The following SAMHD1 variants were observed in gnomAD, a reference collection of about 807,000 sequenced individuals.
The protein encoded by SAMHD1 is deoxynucleoside triphosphate triphosphohydrolase SAMHD1.
A neutral mutation model predicts 79.6 loss-of-function variants in SAMHD1; 54 were observed. The ratio of observed to expected loss-of-function variants is 0.68; its 90% CI spans 0.55 to 0.85. The LOEUF (loss-of-function observed/expected upper bound fraction) is 0.85, where lower values mean the gene tolerates loss of function less well. SAMHD1 is among the 40% of genes least tolerant of loss of function. The probability of loss-of-function intolerance (pLI) is 0.00; values close to 1 mark genes in which losing one functional copy is unlikely to be tolerated. For synonymous variants in SAMHD1, 260 were observed against 264.1 expected (o/e 0.98, Z 0.15); for missense variants, 663 against 782.7 (o/e 0.85, Z 1.82).
chr20:36,916,764 G>A lies in SAMHD1; in HGVS notation c.1020C>T (p.Val340=), dbSNP rs762813591. 1.2e-6 allele frequency: 2 copies of A among 1,613,956 alleles called. No homozygotes were observed. The highest frequency in any genetic ancestry group is 2.2e-5 in the South Asian group (2 of 91,072). Residue 340 remains valine, a synonymous_variant, in exon 9 of 16, where the codon GTC becomes GTT. Transcript: ENST00000646673. ...DYKRFIKFAR[V]CEVDNELRIC... ...TACGCAACTCATTGTCTACTTCACA[G>A]ACACGGGCAAACTTAATAAAGCGCT...
At chr20:36,936,911 C>T (rs1178961922) in intron 3 of SAMHD1, among the ~76,000 whole-genome samples, 1 of 151,922 alleles carries the variant, frequency 6.6e-6, no homozygotes, top group East Asian at 1.9e-4. Flanking sequence ...GAGGCCAAGG[C>T]GGGTGGATCA....
At chr20:36,942,583 A>C (rs2063653328) in intron 2 of SAMHD1, among the ~76,000 whole-genome samples, 1 of 152,184 alleles carries the variant, frequency 6.6e-6, no homozygotes, top group African/African-American at 2.4e-5. Context: ...CTGTGTTCCA[A>C]CATTTCTGAA....
chr20:36,909,753 G>T (rs887563394), intron 11 of SAMHD1, among the ~76,000 whole-genome samples: 3 of 150,382 alleles, frequency 2.0e-5, no homozygotes, highest in Non-Finnish European at 4.4e-5. Context: ...ACACTAAGCT[G>T]CAGATTTTGT....
intron 11 of SAMHD1, among the ~76,000 whole-genome samples, chr20:36,907,539 CTTTTTT>C (rs71186087): frequency 4.0e-5 from 5 of 125,856 alleles, no homozygotes; most frequent in African/African-American, 6.0e-5. Flanking sequence ...ATAAAGATGA[CTTTTTT>C]TTTTTTTTTT....
At chr20:36,900,596 GTT>G (rs1990285800) in intron 13 of SAMHD1, among the ~76,000 whole-genome samples, 1 of 143,540 alleles carries the variant, frequency 7.0e-6, no homozygotes, top group Non-Finnish European at 1.5e-5. Context: ...TTGATATGGA[GTT>G]TCTGTGTCGC....
At position 36,919,433 on chromosome 20, in the gene SAMHD1, A is replaced by G. The variant is rs1477631981; in HGVS notation, c.783T>C (p.Pro261=). ...KPVMEQYGLI[P]EEDICFIKEQ... ...CCTTTATAAAGCAAATATCTTCTTCAGGGATGAGACCATATTGTTCCATGA... is the reference window on the plus strand; with the variant it reads ...CCTTTATAAAGCAAATATCTTCTTCGGGGATGAGACCATATTGTTCCATGA... The change falls in exon 7 of 16, where the codon CCT becomes CCC. Residue 261 remains proline, a synonymous_variant. Transcript: ENST00000646673. 1 of 1,613,022 alleles carries G rather than the reference A, an allele frequency of 6.2e-7. No homozygotes were observed. Among genetic ancestry groups the G allele is most frequent in the East Asian group, 2.2e-5 (1 of 44,800 alleles).
intron 2 of SAMHD1, among the ~76,000 whole-genome samples, chr20:36,943,432 T>C (rs149853537): frequency 2.0e-4 from 30 of 152,328 alleles, no homozygotes; most frequent in African/African-American, 7.2e-4. Flanking sequence ...GTTGTTATTA[T>C]ACAGAACAAT....
chr20:36,892,265 A>C lies in SAMHD1; in HGVS notation c.*667T>G, dbSNP rs1451453343. 6.5e-6 allele frequency: 1 copy of C among 155,034 alleles called. No individual in the cohort carries two copies. Among genetic ancestry groups the C allele is most frequent in the East Asian group, 1.9e-4 (1 of 5,270 alleles). The allele number at this position is 155,034 out of a possible 1,614,324, so 9.6% of individuals were successfully genotyped here. On this transcript the variant is annotated 3_prime_UTR_variant, in exon 16 of 16. Transcript: ENST00000646673. The stretch of plus-strand genomic sequence containing the variant: ...CCATCATCTCCAACTCTTTACCCCA[A>C]CCTGGCACCTTGTAGGGGGCTAGAA...
chr20:36,898,757 C>T (rs962940454), intron 13 of SAMHD1, among the ~76,000 whole-genome samples: 6 of 151,586 alleles, frequency 4.0e-5, no homozygotes, highest in Non-Finnish European at 5.9e-5. Context: ...ACTAAAAGTA[C>T]AAAAATTAGC....
rs57448673 is a variant in SAMHD1, at chr20:36,930,511, C to A, written c.625+249G>T. ...CTCTGTCTCAAAAAAAAAACAACAA[C>A]AAAAAAACCACTTTAGCAAAGATGT... On this transcript the variant is annotated intron_variant, in intron 5 of 15. Transcript: ENST00000646673. Among the ~76,000 whole-genome samples, 33,112 of 150,878 alleles carry A rather than the reference C, an allele frequency of 0.22. 4,364 individuals are homozygous for A. The highest frequency in any genetic ancestry group is 0.45 in the East Asian group (2,324 of 5,118).
intron 11 of SAMHD1, among the ~76,000 whole-genome samples, chr20:36,905,745 C>A (rs1202972699): frequency 6.6e-6 from 1 of 151,960 alleles, no homozygotes; most frequent in Non-Finnish European, 1.5e-5. Flanking sequence ...CCGAGGCGGG[C>A]GGATCACTTG....
At chr20:36,895,280 C>T (rs962107879) in intron 15 of SAMHD1, among the ~76,000 whole-genome samples, 1 of 151,904 alleles carries the variant, frequency 6.6e-6, no homozygotes, top group African/African-American at 2.4e-5. Context: ...AACCCCTCCC[C>T]TACCACCACC....
intron 15 of SAMHD1, among the ~76,000 whole-genome samples, chr20:36,894,860 T>C (rs961669353): frequency 6.6e-6 from 1 of 152,010 alleles, no homozygotes; most frequent in Non-Finnish European, 1.5e-5. Flanking sequence ...TCTCTATTTC[T>C]ACCCAGCTTG....
At chr20:36,928,794 T>C (rs1407010441) in intron 5 of SAMHD1, among the ~76,000 whole-genome samples, 2 of 152,010 alleles carry the variant, frequency 1.3e-5, no homozygotes, top group Non-Finnish European at 1.5e-5. Context: ...TGGTGGCTCA[T>C]GCCTGTAATC....
At chr20:36,949,269 AAAAAT>A (rs2058638094) in intron 1 of SAMHD1, among the ~76,000 whole-genome samples, 1 of 151,948 alleles carries the variant, frequency 6.6e-6, no homozygotes, top group Non-Finnish European at 1.5e-5. Context: ...ATCTCAGAAA[AAAAAT>A]AAAATAATAA....
chr20:36,936,187 C>G (rs867522674), intron 3 of SAMHD1, among the ~76,000 whole-genome samples: 1 of 152,062 alleles, frequency 6.6e-6, no homozygotes, highest in Middle Eastern at 3.4e-3. Flanking sequence ...CTGCAGTAAC[C>G]TACTATTGTG....
intron 9 of SAMHD1, among the ~76,000 whole-genome samples, chr20:36,913,656 G>T (rs1473735345): frequency 6.7e-6 from 1 of 149,120 alleles, no homozygotes; most frequent in East Asian, 2.0e-4. Flanking sequence ...CTCTGTGACA[G>T]TTTCCGTTTT....
chr20:36,944,922 T>C lies in SAMHD1; in HGVS notation c.275+1816A>G, dbSNP rs189748871. On this transcript the variant is annotated intron_variant, in intron 2 of 15. Transcript: ENST00000646673. ...AAAAAAGAAGTATTTAAGCACCAGA[T>C]CCTCTACTGAGATCATTAAAGGAGC... 1.9e-3 allele frequency among the ~76,000 whole-genome samples: 287 copies of C among 152,210 alleles called. 1 individual carries two copies. Among genetic ancestry groups the C allele is most frequent in the African/African-American group, 6.4e-3 (267 of 41,524 alleles).
chr20:36,939,469 A>T (rs1342833254), intron 3 of SAMHD1, among the ~76,000 whole-genome samples: 1 of 150,920 alleles, frequency 6.6e-6, no homozygotes, highest in Non-Finnish European at 1.5e-5. Flanking sequence ...GGTGGTGTGC[A>T]CCTGTAGTCC....
Sources: gnomAD v4.1 joint callset for allele counts (sites outside exome capture counted in the v4.1 genomes callset) on GRCh38, gnomAD v4.1.1 for gene constraint, MANE v1.5 for transcripts, NCBI Gene and HGNC (gene_info 2026-07-23, HGNC 2026-07-21) for gene names.